The following RAB30 variants were observed in gnomAD, a reference collection of about 807,000 sequenced individuals.
RAB30 encodes ras-related protein Rab-30.
In RAB30, 9 loss-of-function variants were observed where a neutral mutation model predicts 25.1. The ratio of observed to expected loss-of-function variants is 0.36; its 90% CI spans 0.22 to 0.63. The LOEUF (loss-of-function observed/expected upper bound fraction) is 0.63, where lower values mean the gene tolerates loss of function less well. Ranked by LOEUF, RAB30 falls within the 20% of genes least tolerant of loss-of-function variation. The pLI is 0.69. For synonymous variants in RAB30, 77 were observed against 86.4 expected (o/e 0.89, Z 0.60); for missense variants, 140 against 243.5 (o/e 0.58, Z 2.83).
At chr11:83,012,921 CT>C (rs1218320443) in intron 1 of RAB30, among the ~76,000 whole-genome samples, 2 of 152,134 alleles carry the variant, frequency 1.3e-5, no homozygotes, top group African/African-American at 4.8e-5. Flanking sequence ...CCCTTCACAC[CT>C]TTACTCACAG....
intron 1 of RAB30, among the ~76,000 whole-genome samples, chr11:83,044,396 G>A (rs1858193595): frequency 6.6e-6 from 1 of 152,312 alleles, no homozygotes; most frequent in Non-Finnish European, 1.5e-5. Context: ...AAAGGATATG[G>A]CTTTCTGAAC....
intron 1 of RAB30, among the ~76,000 whole-genome samples, chr11:83,006,074 G>A (rs114698497): frequency 0.035 from 5,349 of 152,148 alleles, 330 homozygotes; most frequent in African/African-American, 0.12. Context: ...GATTGGCCAA[G>A]TTTATCCTGT....
chr11:83,050,670 A>C (rs568106954), intron 1 of RAB30, among the ~76,000 whole-genome samples: 1 of 152,344 alleles, frequency 6.6e-6, no homozygotes, highest in South Asian at 2.1e-4. Flanking sequence ...TCAATTCTAA[A>C]AATACTTTTT....
rs558120536 is a variant in RAB30 at position 83,051,807 on chromosome 11, A to G, written c.-9+19884T>C. ...ATACCCTCAGGAGTTCTCATCTAGC[A>G]AGTGAGATACACCTTATTTATCATA... On this transcript the variant is annotated intron_variant, in intron 1 of 4. Coordinates refer to ENST00000527633, the MANE Select transcript of RAB30 (RefSeq NM_001286060.2). 2.0e-4 allele frequency among the ~76,000 whole-genome samples: 30 copies of G among 152,334 alleles called. No individual in the cohort carries two copies. In the South Asian group the frequency reaches 5.8e-3, roughly 29 times the overall value.
intron 4 of RAB30, among the ~76,000 whole-genome samples, chr11:82,982,776 C>A (rs1006960650): frequency 6.6e-6 from 1 of 152,130 alleles, no homozygotes; most frequent in African/African-American, 2.4e-5. Context: ...GCAGAAGAAT[C>A]GCTTGAACCC....
At chr11:83,018,370 T>A (rs1464921718) in intron 1 of RAB30, among the ~76,000 whole-genome samples, 1 of 152,178 alleles carries the variant, frequency 6.6e-6, no homozygotes, top group African/African-American at 2.4e-5. Context: ...TTTGATTTTT[T>A]AATTATGGCC....
At chr11:82,984,419 G>A (rs1035502130) in intron 4 of RAB30, among the ~76,000 whole-genome samples, 6 of 152,096 alleles carry the variant, frequency 3.9e-5, no homozygotes, top group East Asian at 1.9e-4. Flanking sequence ...TGGGGGTTGC[G>A]GACTGGGTAG....
At position 83,049,188 on chromosome 11, in the gene RAB30, G is replaced by T. The variant is rs570292510; in HGVS notation, c.-9+22503C>A. On this transcript the variant is annotated intron_variant, in intron 1 of 4. Transcript: ENST00000527633. ...GCACTTTGGGAGGCCAAGGCAGGCG[G>T]ATCATGAGGTCAAGAGATCAAGACC... 1.1e-4 allele frequency among the ~76,000 whole-genome samples: 17 copies of T among 152,206 alleles called. No homozygotes were observed. In the East Asian group the frequency reaches 3.3e-3, roughly 29 times the overall value.
rs1204062406 is a variant in RAB30, at chr11:82,997,285, T to C, written c.32A>G (p.Lys11Arg). 1.2e-6 allele frequency: 2 copies of C among 1,612,292 alleles called. No individual in the cohort carries two copies. The highest frequency in any genetic ancestry group is 1.7e-6 in the Non-Finnish European group (2 of 1,178,440). Residue 11 changes from lysine (K) to arginine (R), a missense_variant, in exon 2 of 5, where the codon AAA becomes AGA. By Grantham distance (26) the Lys-to-Arg change is conservative. Coordinates refer to ENST00000527633, the MANE Select transcript of RAB30 (RefSeq NM_001286060.2). ...ACCAGCGTTGCCAATTAAAACAATT[T>C]TGAACAGGAAATCATAATCTTCCAT... MSMEDYDFLF[K>R]IVLIGNAGVG...
chr11:83,006,679 T>TA lies in RAB30; in HGVS notation c.-8-9356dup, dbSNP rs558420240. 6.0e-3 allele frequency among the ~76,000 whole-genome samples: 904 copies of TA among 151,894 alleles called. 12 individuals carry two copies. The highest frequency in any genetic ancestry group is 0.02 in the African/African-American group (848 of 41,450). The stretch of plus-strand genomic sequence containing the variant: ...CTAATACAGGGAGAGAGGCCCTGTT[T>TA]AAAAAAAAATCTATTTGGGGTACTC... On this transcript the variant is annotated intron_variant, in intron 1 of 4. Transcript: ENST00000527633.
At chr11:83,070,524 C>G (rs1858811998) in intron 1 of RAB30, among the ~76,000 whole-genome samples, 1 of 152,054 alleles carries the variant, frequency 6.6e-6, no homozygotes, top group African/African-American at 2.4e-5. Context: ...TTTGACATTC[C>G]AAGAGGGGGT....
At chr11:82,994,169 T>A in intron 2 of RAB30, 47 bp from the exon 3 acceptor site, 1 of 1,508,914 alleles carries the variant, frequency 6.6e-7, no homozygotes, top group Non-Finnish European at 9.2e-7. Context: ...ATATTTCCAT[T>A]AAATGAAATT....
intron 1 of RAB30, among the ~76,000 whole-genome samples, chr11:83,012,853 C>A (rs1590851998): frequency 1.3e-5 from 2 of 152,132 alleles, no homozygotes; most frequent in African/African-American, 4.8e-5. Flanking sequence ...CTATGACTAC[C>A]GCTATGATCA....
chr11:83,059,362 T>A (rs1285518213), intron 1 of RAB30, among the ~76,000 whole-genome samples: 1 of 152,244 alleles, frequency 6.6e-6, no homozygotes, highest in South Asian at 2.1e-4. Flanking sequence ...GATTTTTCCA[T>A]ATCTGTACTT....
At chr11:83,056,896 T>C (rs1230266923) in intron 1 of RAB30, among the ~76,000 whole-genome samples, 1 of 152,334 alleles carries the variant, frequency 6.6e-6, no homozygotes, top group African/African-American at 2.4e-5. Context: ...TAACTTACTA[T>C]ACTTGCAAAC....
chr11:83,060,584 C>T (rs1305469335), intron 1 of RAB30, among the ~76,000 whole-genome samples: 1 of 152,178 alleles, frequency 6.6e-6, no homozygotes, highest in Non-Finnish European at 1.5e-5. Flanking sequence ...ATTCTCACCA[C>T]AAGTGTTTAA....
At chr11:83,014,169 T>C (rs74854079) in intron 1 of RAB30, among the ~76,000 whole-genome samples, 10,413 of 152,208 alleles carry the variant, frequency 0.068, 367 homozygotes, top group Non-Finnish European at 0.078. Flanking sequence ...TAAGTGCTAG[T>C]AGAGAATTAA....
At chr11:83,023,422 G>T (rs1320571240) in intron 1 of RAB30, among the ~76,000 whole-genome samples, 1 of 152,162 alleles carries the variant, frequency 6.6e-6, no homozygotes, top group Non-Finnish European at 1.5e-5. Context: ...CAAGCACAAA[G>T]CCTGAGGGTT....
chr11:83,029,706 T>G (rs1172367165), intron 1 of RAB30, among the ~76,000 whole-genome samples: 1 of 152,156 alleles, frequency 6.6e-6, no homozygotes, highest in East Asian at 1.9e-4. Context: ...TTCCTTGATA[T>G]CATCTCAAAA....
Sources: allele counts gnomAD v4.1 joint callset (sites outside exome capture counted in the v4.1 genomes callset), GRCh38; gene constraint gnomAD v4.1.1; transcripts MANE v1.5; gene names NCBI Gene and HGNC (gene_info 2026-07-23, HGNC 2026-07-21).